H2BC12: variants seen among roughly 807,000 people sequenced by gnomAD.
The protein encoded by H2BC12 is histone H2B type 1-K.
H2BC12 carries 6 observed loss-of-function variants against 6.3 expected under a neutral mutation model. The ratio of observed to expected loss-of-function variants is 0.95; its 90% confidence interval spans 0.52 to 1.87. The LOEUF is 1.87. H2BC12 is among the 40% of genes most tolerant of loss of function. The pLI is 0.01. For missense variants in H2BC12, 119 were observed against 178.4 expected (o/e 0.67, Z 1.90); for synonymous variants, 132 against 78.5 (o/e 1.68, Z -3.60).
At chr6:27,139,498 G>T in the H2BC12 span, 1 of 1,612,328 alleles carries the variant, frequency 6.2e-7, no homozygotes, top group Non-Finnish European at 8.5e-7. Context: ...GGTGTTCCTG[G>T]AGAACGTGAT....
At chr6:27,143,846 T>TAAAAAAAAAAAAA (rs34292040), downstream of H2BC12, among the ~76,000 whole-genome samples, 14 of 113,628 alleles carry the variant, frequency 1.2e-4, no homozygotes, top group African/African-American at 3.1e-4. Flanking sequence ...AACTACTCTT[T>TAAAAAAAAAAAAA]AAAAAAAAAA....
At chr6:27,146,310 A>G, downstream of H2BC12, 2 of 1,551,726 alleles carry the variant, frequency 1.3e-6, no homozygotes. Context: ...AGATCGCCCG[A>G]ATTTAAGCCT....
rs150696455 is a variant in H2BC12, at chr6:27,146,526, G to C, written c.273C>G (p.Thr91=). The C allele has an allele frequency of 3.2e-5, 51 of 1,614,252 alleles. No individual in the cohort carries two copies. In the African/African-American group the frequency reaches 6.4e-4, roughly 20 times the overall value. ...GCACGGCCGTCTGGATCTCCCTGGAGGTGATGGTCGAGCGCTTGTTGTAAT... is the reference window on the plus strand; with the variant it reads ...GCACGGCCGTCTGGATCTCCCTGGACGTGATGGTCGAGCGCTTGTTGTAAT... ...LAHYNKRSTI[T]SREIQTAVRL... Residue 91 remains threonine (T), a synonymous_variant, in exon 1 of 1, where the codon ACC becomes ACG. Transcript: ENST00000356950.
At chr6:27,139,711 G>T in the H2BC12 span, 1 of 1,488,280 alleles carries the variant, frequency 6.7e-7, no homozygotes, top group Admixed American at 2.5e-5. Context: ...TGCAAACTGA[G>T]TCTCTTAATA....
At chr6:27,141,568 A>G (rs1562026577), downstream of H2BC12, among the ~76,000 whole-genome samples, 1 of 152,216 alleles carries the variant, frequency 6.6e-6, no homozygotes, top group African/African-American at 2.4e-5. Flanking sequence ...AGAGAGTAGT[A>G]GTGGTGCTAG....
the H2BC12 span, chr6:27,139,393 G>A: frequency 2.5e-6 from 4 of 1,614,094 alleles, no homozygotes; most frequent in African/African-American, 2.7e-5. Flanking sequence ...CAACATCCAG[G>A]GTATCACCAA....
downstream of H2BC12, among the ~76,000 whole-genome samples, chr6:27,145,225 T>A (rs1483020071): frequency 6.6e-6 from 1 of 151,822 alleles, no homozygotes; most frequent in Non-Finnish European, 1.5e-5. Context: ...ATGACCCTGC[T>A]AATCTCCAAA....
At chr6:27,140,467 TTAATC>T in the H2BC12 span, among the ~76,000 whole-genome samples, 1 of 152,248 alleles carries the variant, frequency 6.6e-6, no homozygotes, top group African/African-American at 2.4e-5. Flanking sequence ...ATTTTTACCA[TTAATC>T]TAGTTTTCTA....
At chr6:27,140,014 A>C in the H2BC12 span, 7 of 178,446 alleles carry the variant, frequency 3.9e-5, no homozygotes, top group Non-Finnish European at 6.2e-5. Context: ...GCTCCACTAA[A>C]TGCTAGAACC....
At chr6:27,145,941 A>G (rs573676718), downstream of H2BC12, among the ~76,000 whole-genome samples, 1 of 152,296 alleles carries the variant, frequency 6.6e-6, no homozygotes, top group East Asian at 1.9e-4. Context: ...GAGGTTAAAT[A>G]AGGTAACTGC....
rs1217915780 is a variant in H2BC12 at position 27,146,472 on chromosome 6, C to T, written c.327G>A (p.Lys109=). ...VRLLLPGELA[K]HAVSEGTKAV... is the part of the protein sequence containing the mutation. ...CCTTGGTGCCCTCGGACACGGCGTG[C>T]TTGGCCAACTCCCCGGGCAGCAGCA... is the stretch of plus-strand genomic sequence containing the variant. Residue 109 remains lysine, a synonymous_variant, in exon 1 of 1, where the codon AAG becomes AAA. Transcript: ENST00000356950. 2.5e-6 allele frequency: 4 copies of T among 1,614,132 alleles called. No homozygotes were observed. Among genetic ancestry groups the T allele is most frequent in the African/African-American group, 2.7e-5 (2 of 74,948 alleles).
At chr6:27,142,522 C>A (rs753971117), downstream of H2BC12, among the ~76,000 whole-genome samples, 1 of 152,052 alleles carries the variant, frequency 6.6e-6, no homozygotes, top group Non-Finnish European at 1.5e-5. Context: ...CCTCGGCCTC[C>A]CAAAGTGCCG....
At chr6:27,139,251 C>A in the H2BC12 span, 1 of 1,526,418 alleles carries the variant, frequency 6.6e-7, no homozygotes, top group Admixed American at 2.1e-5. Flanking sequence ...GCAGAGGTTA[C>A]CCATAAAAGA....
downstream of H2BC12, among the ~76,000 whole-genome samples, chr6:27,143,299 C>A (rs545653390): frequency 6.6e-6 from 1 of 152,160 alleles, no homozygotes; most frequent in African/African-American, 2.4e-5. Context: ...TTGCAGTGAG[C>A]TGACACAGTG....
downstream of H2BC12, among the ~76,000 whole-genome samples, chr6:27,146,143 T>C (rs1760074813): frequency 6.6e-6 from 1 of 152,206 alleles, no homozygotes; most frequent in African/African-American, 2.4e-5. Flanking sequence ...GGAAGCACTT[T>C]CTGTTAACAC....
At chr6:27,142,637 T>C (rs1760020479), downstream of H2BC12, among the ~76,000 whole-genome samples, 11 of 39,378 alleles carry the variant, frequency 2.8e-4, 1 homozygote, top group South Asian at 5.5e-3. Flanking sequence ...CCCCCCCTCC[T>C]TTTTTTTTTT....
chr6:27,145,432 G>C (rs1033076898), downstream of H2BC12, among the ~76,000 whole-genome samples: 1 of 151,610 alleles, frequency 6.6e-6, no homozygotes, highest in African/African-American at 2.4e-5. Context: ...CTTTCACTTG[G>C]TTCTTCCAAA....
downstream of H2BC12, among the ~76,000 whole-genome samples, chr6:27,144,547 C>G (rs1254217214): frequency 7.0e-6 from 1 of 143,214 alleles, no homozygotes; most frequent in Non-Finnish European, 1.5e-5. Flanking sequence ...AGGGTGAAAG[C>G]AGGAGAAAGT....
At chr6:27,141,942 A>C (rs992448282), downstream of H2BC12, among the ~76,000 whole-genome samples, 2 of 152,174 alleles carry the variant, frequency 1.3e-5, no homozygotes, top group African/African-American at 2.4e-5. Context: ...GAGCACTTAC[A>C]ATGTGGCATG....
Sources: gnomAD v4.1 joint callset for allele counts (sites outside exome capture counted in the v4.1 genomes callset) on GRCh38, gnomAD v4.1.1 for gene constraint, MANE v1.5 for transcripts, NCBI Gene and HGNC (gene_info 2026-07-23, HGNC 2026-07-21) for gene names.